SNX14: variants seen among roughly 807,000 people sequenced by gnomAD.
SNX14 encodes sorting nexin 14, also known as sorting nexin-14.
A neutral mutation model predicts 133.8 loss-of-function variants in SNX14; 93 were observed. The ratio of observed to expected loss-of-function variants is 0.70; its 90% confidence interval spans 0.59 to 0.83. SNX14 has a LOEUF of 0.83. Ranked by LOEUF, SNX14 falls within the 40% of genes least tolerant of loss-of-function variation. SNX14 has a pLI of 0.00. For missense variants in SNX14, 945 were observed against 1,094.9 expected, an observed-to-expected ratio of 0.86 and a Z score of 1.93; for synonymous variants, 368 against 365.6, an observed-to-expected ratio of 1.01 and a Z score of -0.07.
chr6:85,549,960 G>A (rs1582847335), intron 7 of SNX14, 81 bp from the exon 8 acceptor site: 8 of 1,273,198 alleles, frequency 6.3e-6, no homozygotes, highest in East Asian at 2.5e-5. Flanking sequence ...AAATAGAAGA[G>A]CATGGGCTGG....
At chr6:85,573,332 T>C (rs1796277969) in intron 2 of SNX14, among the ~76,000 whole-genome samples, 2 of 152,016 alleles carry the variant, frequency 1.3e-5, no homozygotes, top group African/African-American at 4.8e-5. Context: ...ATACAAAAAT[T>C]AGCTGGGCCT....
intron 21 of SNX14, among the ~76,000 whole-genome samples, chr6:85,525,036 T>A (rs569364602): frequency 3.9e-5 from 6 of 152,274 alleles, no homozygotes; most frequent in African/African-American, 1.4e-4. Flanking sequence ...TTGTTGCTAT[T>A]TAGACAAACT....
At chr6:85,582,860 C>T (rs1214194407) in intron 1 of SNX14, among the ~76,000 whole-genome samples, 6 of 152,156 alleles carry the variant, frequency 3.9e-5, no homozygotes, top group Non-Finnish European at 8.8e-5. Flanking sequence ...GGAGCTGGTA[C>T]CATTCCTTCT....
intron 7 of SNX14, 98 bp from the exon 8 acceptor site, chr6:85,549,977 T>C (rs1451901066): frequency 2.8e-6 from 3 of 1,064,846 alleles, no homozygotes; most frequent in African/African-American, 1.6e-5. Context: ...CTGGGCGTGG[T>C]GGCTCATGCC....
chr6:85,528,078 G>T (rs1303050121), intron 20 of SNX14, among the ~76,000 whole-genome samples, 184 bp downstream of exon 20: 1 of 151,930 alleles, frequency 6.6e-6, no homozygotes, highest in Non-Finnish European at 1.5e-5. Flanking sequence ...AATTTGGAGG[G>T]AGGGTAAGTA....
At chr6:85,545,967 G>A (rs1439142624) in intron 12 of SNX14, among the ~76,000 whole-genome samples, 1 of 152,252 alleles carries the variant, frequency 6.6e-6, no homozygotes, top group African/African-American at 2.4e-5. Flanking sequence ...GTAAGCATGA[G>A]CCACTGCGCC....
rs556044910 is a variant in SNX14, at chr6:85,514,232, G to A, written c.2395C>T (p.Arg799Trp). 230 of 1,608,606 alleles carry A rather than the reference G, an allele frequency of 1.4e-4. 1 individual carries two copies. In the South Asian group the frequency reaches 1.9e-3, roughly 13 times the overall value. The change falls in exon 25 of 29, where the codon CGG becomes TGG. Residue 799 changes from arginine to tryptophan, a missense_variant and splice_region_variant. Transcript: ENST00000314673. ...GVYDYLMYVG[R>W]VVFQVPDWLH... ...CAGTCAGGAACCTGGAAAACTACCC[G>A]TCCTGAGAAAGGATCAAATGGGATA...
intron 1 of SNX14, among the ~76,000 whole-genome samples, chr6:85,576,487 G>A (rs1470553278): frequency 6.6e-6 from 1 of 151,828 alleles, no homozygotes; most frequent in Admixed American, 6.6e-5. Context: ...GTGAGTAACA[G>A]GCATTTGAAA....
At chr6:85,552,437 T>G (rs951086106) in intron 7 of SNX14, among the ~76,000 whole-genome samples, 8 of 152,180 alleles carry the variant, frequency 5.3e-5, no homozygotes, top group African/African-American at 1.9e-4. Flanking sequence ...AGTACTGAGA[T>G]GGAGCAGCAA....
intron 7 of SNX14, among the ~76,000 whole-genome samples, chr6:85,556,685 T>G (rs558606931): frequency 9.7e-4 from 148 of 152,128 alleles, no homozygotes; most frequent in African/African-American, 3.5e-3. Context: ...ACTCCTGACC[T>G]CAAGTGAGCT....
In SNX14 at chr6:85,543,749, C is replaced by A; in HGVS notation, c.1120G>T (p.Asp374Tyr). ...QFCLTVEEFN[D>Y]RILRPELSND... Reference sequence around the variant, plus strand: ...GATAATTCTGGTCGTAAAATTCTATCATTAAATTCCTCTAACAAATGAGGG... The same window carrying A: ...GATAATTCTGGTCGTAAAATTCTATAATTAAATTCCTCTAACAAATGAGGG... The change falls in exon 13 of 29, where the codon GAT (aspartate) becomes TAT (tyrosine). Residue 374 changes from aspartate to tyrosine, a missense_variant. Coordinates refer to ENST00000314673, the MANE Select transcript of SNX14 (RefSeq NM_153816.6). 3 of 1,542,220 alleles carry A rather than the reference C, an allele frequency of 1.9e-6. No homozygotes were observed. Among genetic ancestry groups the A allele is most frequent in the Non-Finnish European group, 1.7e-6 (2 of 1,142,972 alleles).
chr6:85,523,211 T>C (rs1777450256), intron 21 of SNX14, among the ~76,000 whole-genome samples: 1 of 152,128 alleles, frequency 6.6e-6, no homozygotes, highest in African/African-American at 2.4e-5. Flanking sequence ...TATTAAACAA[T>C]AAAGATTTCC....
chr6:85,528,331 C>T lies in SNX14; in HGVS notation c.1926G>A (p.Lys642=). 1 of 1,613,246 alleles carries T rather than the reference C, an allele frequency of 6.2e-7. No individual in the cohort carries two copies. Among genetic ancestry groups the T allele is most frequent in the Non-Finnish European group, 8.5e-7 (1 of 1,179,626 alleles). ...CATAATTTTTGGGGCCAATGATCCT[C>T]TTAGAAGGAAGCTGGGCATCAGGAA... ...GAFPDAQLPS[K]RIIGPKNYEF... Residue 642 remains lysine (K), a synonymous_variant, in exon 20 of 29, where the codon AAG becomes AAA. Coordinates refer to ENST00000314673, the MANE Select transcript of SNX14 (RefSeq NM_153816.6).
rs968122048 is a variant in SNX14 at position 85,563,947 on chromosome 6, G to A, written c.549+1385C>T. 4.1e-4 allele frequency among the ~76,000 whole-genome samples: 62 copies of A among 152,078 alleles called. 1 individual carries two copies. Among genetic ancestry groups the A allele is most frequent in the African/African-American group, 1.3e-3 (53 of 41,470 alleles). Reference sequence around the variant, plus strand: ...TTCCCCCACCCCATGACAGGTCCTGGTGTGTGATGTTCCCCACCCTGTGTC... The same window carrying A: ...TTCCCCCACCCCATGACAGGTCCTGATGTGTGATGTTCCCCACCCTGTGTC... On this transcript the variant is annotated intron_variant, in intron 6 of 28. Coordinates refer to ENST00000314673, the MANE Select transcript of SNX14 (RefSeq NM_153816.6).
At chr6:85,546,065 A>T (rs1378725714) in intron 12 of SNX14, among the ~76,000 whole-genome samples, 1 of 152,236 alleles carries the variant, frequency 6.6e-6, no homozygotes, top group Non-Finnish European at 1.5e-5. Context: ...AAAGGAGTAC[A>T]TATTATGTGA....
At chr6:85,522,160 T>C (rs1777105476) in intron 21 of SNX14, among the ~76,000 whole-genome samples, 1 of 152,244 alleles carries the variant, frequency 6.6e-6, no homozygotes, top group African/African-American at 2.4e-5. Context: ...GTATACCCAA[T>C]GTCCCAGTAG....
chr6:85,585,322 C>A (rs1318290012), intron 1 of SNX14, among the ~76,000 whole-genome samples: 1 of 151,876 alleles, frequency 6.6e-6, no homozygotes, highest in Non-Finnish European at 1.5e-5. Flanking sequence ...CACCATGGCA[C>A]ATGTATACCT....
chr6:85,564,982 C>G (rs1195605779), intron 6 of SNX14, among the ~76,000 whole-genome samples: 2 of 146,750 alleles, frequency 1.4e-5, no homozygotes, highest in East Asian at 3.9e-4. Flanking sequence ...GAGCAAAACT[C>G]TGTCTAAAAA....
At chr6:85,554,298 A>ATTT (rs1788879931) in intron 7 of SNX14, among the ~76,000 whole-genome samples, 2 of 151,822 alleles carry the variant, frequency 1.3e-5, no homozygotes, top group East Asian at 3.9e-4. Context: ...TATTTCATAT[A>ATTT]CACACATGTG....
Sources: gnomAD v4.1 joint callset for allele counts (sites outside exome capture counted in the v4.1 genomes callset) on GRCh38, gnomAD v4.1.1 for gene constraint, MANE v1.5 for transcripts, NCBI Gene and HGNC (gene_info 2026-07-23, HGNC 2026-07-21) for gene names.